ATIC: variants seen among roughly 807,000 people sequenced by gnomAD.
ATIC encodes 5-aminoimidazole-4-carboxamide ribonucleotide formyltransferase/IMP cyclohydrolase, also known as bifunctional purine biosynthesis protein ATIC.
ATIC carries 64 observed loss-of-function variants against 72.5 expected under a neutral mutation model. The observed-to-expected ratio is 0.88, with a 90% CI of 0.72 to 1.09. ATIC has a LOEUF of 1.09. Ranked by LOEUF, ATIC falls within the 50% of genes least tolerant of loss-of-function variation. The pLI is 0.00. For missense variants in ATIC, 787 were observed against 732.4 expected, an observed-to-expected ratio of 1.07 and a Z score of -0.86; for synonymous variants, 281 against 267.1, an observed-to-expected ratio of 1.05 and a Z score of -0.51.
At chr2:215,344,964 A>G in intron 13 of ATIC, 93 bp downstream of exon 13, 3 of 1,324,474 alleles carry the variant, frequency 2.3e-6, no homozygotes, top group Non-Finnish European at 3.2e-6. Flanking sequence ...ACAGCTTGAA[A>G]GGGAATATTT....
At position 215,336,050 on chromosome 2, in the gene ATIC, A is replaced by G; in HGVS notation, c.1024A>G (p.Ile342Val). 1 of 1,611,384 alleles carries G rather than the reference A, an allele frequency of 6.2e-7. No homozygotes were observed. Among genetic ancestry groups the G allele is most frequent in the South Asian group, 1.1e-5 (1 of 90,244 alleles). Residue 342 changes from isoleucine to valine, a missense_variant, in exon 11 of 16, where the codon ATT becomes GTT. Transcript: ENST00000236959. ...ATTTTTGCAGGTATCTGATGGTATA[A>G]TTGCCCCAGGATATGAAGAAGAAGC... ...IISREVSDGI[I>V]APGYEEEALT...
At chr2:215,343,271 G>A (rs1343620655) in intron 12 of ATIC, among the ~76,000 whole-genome samples, 1 of 151,666 alleles carries the variant, frequency 6.6e-6, no homozygotes, top group Non-Finnish European at 1.5e-5. Flanking sequence ...TGCTACATGT[G>A]TATCCTTTTT....
chr2:215,312,757 C>T, intron 2 of ATIC, 133 bp downstream of exon 2: 1 of 1,393,124 alleles, frequency 7.2e-7, no homozygotes, highest in Non-Finnish European at 9.9e-7. Flanking sequence ...AATACTTCCC[C>T]ACTTTATGGG....
downstream of ATIC, among the ~76,000 whole-genome samples, chr2:215,352,700 C>A (rs1047984847): frequency 6.6e-6 from 1 of 152,130 alleles, no homozygotes; most frequent in Non-Finnish European, 1.5e-5. Flanking sequence ...ACCCAGTCAC[C>A]TTTAGATCTC....
intron 14 of ATIC, among the ~76,000 whole-genome samples, chr2:215,347,846 ACTGT>A (rs753692232): frequency 1.3e-5 from 2 of 152,184 alleles, no homozygotes; most frequent in African/African-American, 4.8e-5. Flanking sequence ...AATATGATTA[ACTGT>A]CTGTGCCACT....
intron 2 of ATIC, among the ~76,000 whole-genome samples, chr2:215,317,871 G>A (rs746757006): frequency 7.7e-4 from 117 of 152,114 alleles, no homozygotes; most frequent in Non-Finnish European, 4.0e-4. Flanking sequence ...TATGGCTTAT[G>A]ATTCAGTTTC....
downstream of ATIC, among the ~76,000 whole-genome samples, chr2:215,354,604 T>C (rs139394687): frequency 1.3e-5 from 2 of 152,262 alleles, no homozygotes; most frequent in East Asian, 1.9e-4. Flanking sequence ...TCTGGTCTTC[T>C]AATTTTCTCA....
chr2:215,323,400 T>C (rs1302111649), intron 4 of ATIC, among the ~76,000 whole-genome samples: 1 of 152,232 alleles, frequency 6.6e-6, no homozygotes, highest in Non-Finnish European at 1.5e-5. Flanking sequence ...TTGGGAAATG[T>C]TACCATCCTA....
chr2:215,315,138 A>G (rs985222308), intron 2 of ATIC, among the ~76,000 whole-genome samples: 5 of 152,232 alleles, frequency 3.3e-5, no homozygotes, highest in African/African-American at 9.6e-5. Context: ...CCCCCTAAGG[A>G]TCTCCTGACC....
At chr2:215,321,235 T>C (rs561212317) in intron 4 of ATIC, among the ~76,000 whole-genome samples, 2 of 152,326 alleles carry the variant, frequency 1.3e-5, no homozygotes, top group East Asian at 3.9e-4. Flanking sequence ...TCTAACAATA[T>C]ATGGTTTTTT....
intron 2 of ATIC, 133 bp from the exon 3 acceptor site, chr2:215,318,024 A>G (rs1559266472): frequency 2.4e-5 from 19 of 783,114 alleles, no homozygotes; most frequent in Non-Finnish European, 3.1e-5. Context: ...ATAGTGAAAT[A>G]CTTTAAAAAA....
Position 215,338,779 on chromosome 2 carries a change from A to G in ATIC, c.1099A>G (p.Met367Val). Residue 367 changes from methionine to valine, a missense_variant and splice_region_variant, in exon 12 of 16, where the codon ATG becomes GTG. Met to Val is a conservative substitution (Grantham distance 21, BLOSUM62 1). Transcript: ENST00000236959. ...TTAACTTTTAAAATTTGTATTTTAG[A>G]TGGACCAATCTTACAAACCAGATGA... ...KKNGNYCVLQMDQSYKPDENE... is the reference protein window; with the variant it reads ...KKNGNYCVLQVDQSYKPDENE... 6.2e-7 allele frequency: 1 copy of G among 1,613,478 alleles called. No homozygotes were observed. The highest frequency in any genetic ancestry group is 8.5e-7 in the Non-Finnish European group (1 of 1,179,660).
At chr2:215,353,406 C>T (rs1431665312), downstream of ATIC, among the ~76,000 whole-genome samples, 7 of 152,072 alleles carry the variant, frequency 4.6e-5, no homozygotes, top group African/African-American at 7.2e-5. Flanking sequence ...TTTCACTTAG[C>T]CTATTTTTTA....
At chr2:215,349,276 T>C in intron 15 of ATIC, 27 bp downstream of exon 15, 1 of 1,613,868 alleles carries the variant, frequency 6.2e-7, no homozygotes, top group Non-Finnish European at 8.5e-7. Context: ...GTGCATTTGC[T>C]TAGAGTTGAG....
chr2:215,314,083 C>T (rs2052683884), intron 2 of ATIC, among the ~76,000 whole-genome samples: 1 of 152,170 alleles, frequency 6.6e-6, no homozygotes, highest in African/African-American at 2.4e-5. Flanking sequence ...CTATATCTGT[C>T]ACCCACTTTA....
intron 12 of ATIC, among the ~76,000 whole-genome samples, chr2:215,340,871 G>C (rs149524943): frequency 6.6e-6 from 1 of 152,176 alleles, no homozygotes; most frequent in Admixed American, 6.5e-5. Flanking sequence ...AGCATAGACT[G>C]TCAGGCCCAT....
In ATIC at chr2:215,312,510, T is replaced by C. The variant is rs1209571842; in HGVS notation, c.32T>C (p.Val11Ala). 1.9e-6 allele frequency: 3 copies of C among 1,614,184 alleles called. No individual in the cohort carries two copies. Among genetic ancestry groups the C allele is most frequent in the South Asian group, 1.1e-5 (1 of 91,086 alleles). Residue 11 changes from valine to alanine, a missense_variant, in exon 2 of 16, where the codon GTC (valine) becomes GCC (alanine). By Grantham distance (64) the Val-to-Ala change is moderately conservative (BLOSUM62 0). Coordinates refer to ENST00000236959, the MANE Select transcript of ATIC (RefSeq NM_004044.7). MAPGQLALFS[V>A]SDKTGLVEFA... The stretch of plus-strand genomic sequence containing the variant: ...TCTTCTCTTTCAGCCTTATTTAGTG[T>C]CTCTGACAAAACCGGCCTTGTGGAA...
At chr2:215,360,643 T>G in the ATIC span, 6 of 152,624 alleles carry the variant, frequency 3.9e-5, no homozygotes, top group East Asian at 1.2e-3. Flanking sequence ...TCCACTTAAA[T>G]CTATTAAAGC....
the ATIC span, among the ~76,000 whole-genome samples, chr2:215,354,989 T>C: frequency 2.0e-5 from 3 of 151,988 alleles, no homozygotes; most frequent in Admixed American, 6.6e-5. Flanking sequence ...GAGCAACCAT[T>C]CTTCACTCTG....
Sources: gnomAD v4.1 joint callset for allele counts (sites outside exome capture counted in the v4.1 genomes callset) on GRCh38, gnomAD v4.1.1 for gene constraint, MANE v1.5 for transcripts, NCBI Gene and HGNC (gene_info 2026-07-23, HGNC 2026-07-21) for gene names.